NIPSNAP3A: variants seen among roughly 807,000 people sequenced by gnomAD.
The protein encoded by NIPSNAP3A is nipsnap homolog 3A.
Under a neutral mutation model 32.3 loss-of-function variants are expected in NIPSNAP3A, and 27 were observed. The observed-to-expected ratio is 0.84, with a 90% CI of 0.62 to 1.15. NIPSNAP3A has a LOEUF of 1.15. NIPSNAP3A is among the 50% of genes most tolerant of loss of function. NIPSNAP3A has a pLI of 0.00. For missense variants in NIPSNAP3A, 278 were observed against 297.2 expected, an observed-to-expected ratio of 0.94 and a Z score of 0.48; for synonymous variants, 108 against 107.3, an observed-to-expected ratio of 1.01 and a Z score of -0.04.
chr9:104,748,031 C>A (rs945562363), intron 1 of NIPSNAP3A, among the ~76,000 whole-genome samples, 179 bp downstream of exon 1: 1 of 152,172 alleles, frequency 6.6e-6, no homozygotes, highest in Non-Finnish European at 1.5e-5. Flanking sequence ...ACCCGGAACG[C>A]GCGTGAGGAG....
intron 2 of NIPSNAP3A, among the ~76,000 whole-genome samples, chr9:104,751,707 TTC>T (rs1293623473): frequency 6.6e-6 from 1 of 152,162 alleles, no homozygotes; most frequent in Non-Finnish European, 1.5e-5. Context: ...GATTTAATAA[TTC>T]TGTTATGTTT....
At chr9:104,749,796 G>T (rs1398814071) in intron 1 of NIPSNAP3A, among the ~76,000 whole-genome samples, 1 of 152,164 alleles carries the variant, frequency 6.6e-6, no homozygotes, top group Non-Finnish European at 1.5e-5. Context: ...GTGCGTGTAT[G>T]ACTATTACAA....
chr9:104,754,713 ATTT>A lies in NIPSNAP3A; in HGVS notation c.580+14_580+16del, dbSNP rs751854926. 3 of 1,608,044 alleles carry A rather than the reference ATTT, an allele frequency of 1.9e-6. No individual in the cohort carries two copies. Among genetic ancestry groups the A allele is most frequent in the Non-Finnish European group, 2.6e-6 (3 of 1,174,662 alleles). On this transcript the variant is annotated intron_variant, in intron 4 of 5. Coordinates refer to ENST00000374767, the MANE Select transcript of NIPSNAP3A (RefSeq NM_015469.3). ...GCACTCAACAGAGGTACAATTGTCC[ATTT>A]CTTCTTATATGAAATTGTAATATAT...
At chr9:104,749,165 G>A (rs1376828732) in intron 1 of NIPSNAP3A, among the ~76,000 whole-genome samples, 1 of 152,116 alleles carries the variant, frequency 6.6e-6, no homozygotes, top group Non-Finnish European at 1.5e-5. Flanking sequence ...TGTCACAAAT[G>A]CCCCATTGGC....
chr9:104,753,066 T>C lies in NIPSNAP3A; in HGVS notation c.430+2T>C. 1 of 1,610,140 alleles carries C rather than the reference T, an allele frequency of 6.2e-7. No individual in the cohort carries two copies. The highest frequency in any genetic ancestry group is 8.5e-7 in the Non-Finnish European group (1 of 1,176,502). ...AATTAGAAAAACCTCCAAAAGAAGGTAAGTCCTTCCTTCTTAGTCACTGAG... is the reference window on the plus strand; with the variant it reads ...AATTAGAAAAACCTCCAAAAGAAGGCAAGTCCTTCCTTCTTAGTCACTGAG... On this transcript the variant is annotated splice_donor_variant, in intron 3 of 5. Coordinates refer to ENST00000374767, the MANE Select transcript of NIPSNAP3A (RefSeq NM_015469.3). LOFTEE classifies it high-confidence loss of function.
chr9:104,754,502 G>C (rs1456014371), intron 3 of NIPSNAP3A, 49 bp from the exon 4 acceptor site: 1 of 1,542,860 alleles, frequency 6.5e-7, no homozygotes, highest in Admixed American at 1.7e-5. Flanking sequence ...AAACGTGATT[G>C]GATATTGCTT....
At position 104,753,034 on chromosome 9, in the gene NIPSNAP3A, TG is replaced by T. The variant is rs773104907; in HGVS notation, c.402del (p.Trp134CysfsTer4). On this transcript the variant is annotated frameshift_variant, in exon 3 of 6. Transcript: ENST00000374767. LOFTEE classifies it high-confidence loss of function. ...QESEITYLVPWCKLEKPPKEG... is the reference protein window; with the variant it reads ...QESEITYLVPXCKLEKPPKEG... Reference sequence around the variant, plus strand: ...GAGTGAGATTACTTATCTGGTACCATGGTGCAAATTAGAAAAACCTCCAAAA... The same window carrying T: ...GAGTGAGATTACTTATCTGGTACCATGTGCAAATTAGAAAAACCTCCAAAA... The T allele has an allele frequency of 5.6e-6, 9 of 1,613,522 alleles. No homozygotes were observed. Among genetic ancestry groups the T allele is most frequent in the South Asian group, 1.1e-5 (1 of 91,070 alleles).
chr9:104,758,399 T>C (rs1827929924), intron 4 of NIPSNAP3A, among the ~76,000 whole-genome samples: 1 of 152,186 alleles, frequency 6.6e-6, no homozygotes, highest in Non-Finnish European at 1.5e-5. Flanking sequence ...TGTAAAATTT[T>C]AATAATAAGC....
At position 104,753,038 on chromosome 9, in the gene NIPSNAP3A, G is replaced by A; in HGVS notation, c.404G>A (p.Cys135Tyr). The A allele has an allele frequency of 6.2e-7, 1 of 1,613,454 alleles. No homozygotes were observed. Among genetic ancestry groups the A allele is most frequent in the Non-Finnish European group, 8.5e-7 (1 of 1,179,538 alleles). Reference protein sequence around the residue: ...ESEITYLVPWCKLEKPPKEGV... With the variant: ...ESEITYLVPWYKLEKPPKEGV... The stretch of plus-strand genomic sequence containing the variant: ...GAGATTACTTATCTGGTACCATGGT[G>A]CAAATTAGAAAAACCTCCAAAAGAA... Residue 135 changes from cysteine to tyrosine, a missense_variant, in exon 3 of 6, where the codon TGC becomes TAC. Coordinates refer to ENST00000374767, the MANE Select transcript of NIPSNAP3A (RefSeq NM_015469.3).
chr9:104,758,742 C>T (rs1827933952), intron 4 of NIPSNAP3A, among the ~76,000 whole-genome samples: 1 of 151,104 alleles, frequency 6.6e-6, no homozygotes, highest in South Asian at 2.1e-4. Context: ...GGCGGATCAC[C>T]TGAGGTCAGG....
At chr9:104,756,814 CTTTT>C (rs34247948) in intron 4 of NIPSNAP3A, among the ~76,000 whole-genome samples, 1 of 114,322 alleles carries the variant, frequency 8.7e-6, no homozygotes, top group Admixed American at 9.5e-5. Flanking sequence ...TGTTAATATT[CTTTT>C]TTTTTTTTTT....
At position 104,759,552 on chromosome 9, in the gene NIPSNAP3A, C is replaced by A; in HGVS notation, c.*214C>A. ...TTCTGCATGGTATTTCAGTGTCTGT[C>A]ATACATTAAAAATACTTGTCACTGT... On this transcript the variant is annotated 3_prime_UTR_variant, in exon 6 of 6. Transcript: ENST00000374767. 1.8e-6 allele frequency: 1 copy of A among 546,866 alleles called. No homozygotes were observed. The allele number at this position is 546,866 out of a possible 1,614,324, so 33.9% of individuals were successfully genotyped here.
At chr9:104,750,109 A>C (rs1318623459) in intron 1 of NIPSNAP3A, among the ~76,000 whole-genome samples, 1 of 152,244 alleles carries the variant, frequency 6.6e-6, no homozygotes, top group Non-Finnish European at 1.5e-5. Context: ...GTTTTCTTCT[A>C]GTAAACATTT....
Position 104,753,161 on chromosome 9 carries a change from A to G in NIPSNAP3A, c.430+97A>G, listed in dbSNP as rs537355472. On this transcript the variant is annotated intron_variant, in intron 3 of 5. Transcript: ENST00000374767. ...AGTTCCTTTGGAAAAAAATAAAATT[A>G]ATTCTTTGTTTTATATAGAAACATA... 1.0e-4 allele frequency: 103 copies of G among 1,004,672 alleles called. 1 individual carries two copies. In the South Asian group the frequency reaches 1.4e-3, roughly 14 times the overall value. The allele number at this position is 1,004,672 out of a possible 1,614,324, so 62.2% of individuals were successfully genotyped here.
At chr9:104,758,805 CAA>C (rs768554060) in intron 4 of NIPSNAP3A, among the ~76,000 whole-genome samples, 12 of 117,040 alleles carry the variant, frequency 1.0e-4, no homozygotes, top group Admixed American at 8.6e-5. Flanking sequence ...ACTAAAAATA[CAA>C]AAAAAAAAAA....
intron 1 of NIPSNAP3A, 146 bp downstream of exon 1, chr9:104,747,998 C>CCCCGGAACCCCACGACAGGGGTA: frequency 1.5e-6 from 1 of 684,356 alleles, no homozygotes; most frequent in Non-Finnish European, 2.4e-6. Context: ...CTAGCGTGAG[C>CCCCGGAACCCCACGACAGGGGTA]CCCGGAACCC....
chr9:104,747,998 C>CCACGGAACCCCAAGACAGGGGTA, intron 1 of NIPSNAP3A, 146 bp downstream of exon 1: 2 of 684,354 alleles, frequency 2.9e-6, no homozygotes, highest in Non-Finnish European at 4.7e-6. Context: ...CTAGCGTGAG[C>CCACGGAACCCCAAGACAGGGGTA]CCCGGAACCC....
intron 4 of NIPSNAP3A, among the ~76,000 whole-genome samples, chr9:104,755,464 A>T (rs906630372): frequency 6.6e-6 from 1 of 152,052 alleles, no homozygotes; most frequent in African/African-American, 2.4e-5. Context: ...ATAGGGAGAT[A>T]TAGTAAATAT....
At position 104,751,109 on chromosome 9, in the gene NIPSNAP3A, T is replaced by C. The variant is rs776517838; in HGVS notation, c.214T>C (p.Tyr72His). ...LRTAHSELVG[Y>H]WSVEFGGRMN... ...GACAGCTCACTCTGAATTGGTTGGATACTGGAGTGTAGAATTTGGAGGCAG... is the reference window on the plus strand; with the variant it reads ...GACAGCTCACTCTGAATTGGTTGGACACTGGAGTGTAGAATTTGGAGGCAG... Residue 72 changes from tyrosine to histidine, a missense_variant, in exon 2 of 6, where the codon TAC (tyrosine) becomes CAC (histidine). Physicochemically the swap from Tyr to His is moderately conservative, Grantham distance 83. Coordinates refer to ENST00000374767, the MANE Select transcript of NIPSNAP3A (RefSeq NM_015469.3). 1.4e-5 allele frequency: 23 copies of C among 1,613,960 alleles called. No individual in the cohort carries two copies. In the African/African-American group the frequency reaches 3.1e-4, roughly 22 times the overall value.
Sources: allele counts gnomAD v4.1 joint callset (sites outside exome capture counted in the v4.1 genomes callset), GRCh38; gene constraint gnomAD v4.1.1; transcripts MANE v1.5; gene names NCBI Gene and HGNC (gene_info 2026-07-23, HGNC 2026-07-21).